Variants in MROH9 observed in about 807,000 individuals in gnomAD.
MROH9 encodes the protein maestro heat-like repeat-containing protein family member 9.
Under a neutral mutation model 98.2 loss-of-function variants are expected in MROH9, and 92 were observed. The ratio of observed to expected loss-of-function variants is 0.94; its 90% CI spans 0.79 to 1.11. The LOEUF is 1.11. Among genes scored for constraint, MROH9 ranks in the 50% most tolerant of loss-of-function variants. MROH9 has a pLI of 0.00. For missense variants in MROH9, 1,057 were observed against 1,014.8 expected, an observed-to-expected ratio of 1.04 and a Z score of -0.57; for synonymous variants, 397 against 368.9, an observed-to-expected ratio of 1.08 and a Z score of -0.87.
intron 14 of MROH9, among the ~76,000 whole-genome samples, chr1:170,997,246 TG>T: frequency 6.6e-6 from 1 of 152,234 alleles, no homozygotes; most frequent in South Asian, 2.1e-4. Flanking sequence ...TTGTGGTCTA[TG>T]GGGCCTTGAT....
At chr1:171,055,930 G>A (rs576814184) in intron 20 of MROH9, among the ~76,000 whole-genome samples, 2 of 152,242 alleles carry the variant, frequency 1.3e-5, no homozygotes, top group African/African-American at 4.8e-5. Flanking sequence ...CCTACCCCCA[G>A]GCCAAGGGAG....
chr1:171,012,719 G>A (rs1274246939), intron 15 of MROH9, among the ~76,000 whole-genome samples: 2 of 151,946 alleles, frequency 1.3e-5, no homozygotes, highest in East Asian at 3.9e-4. Context: ...TATCCAGGAT[G>A]GTCTCGATCT....
At chr1:170,986,857 A>T in intron 10 of MROH9, 147 bp downstream of exon 10, 1 of 940,606 alleles carries the variant, frequency 1.1e-6, no homozygotes, top group East Asian at 2.6e-5. Context: ...TTGGTTTTTT[A>T]AATTTTACTT....
chr1:171,061,862 A>C (rs1471567341), intron 20 of MROH9, among the ~76,000 whole-genome samples: 1 of 151,920 alleles, frequency 6.6e-6, no homozygotes, highest in African/African-American at 2.4e-5. Flanking sequence ...TGCTGCTAAA[A>C]CTCTATTTAA....
chr1:170,977,066 A>T (rs1650730135), intron 8 of MROH9, among the ~76,000 whole-genome samples: 1 of 151,820 alleles, frequency 6.6e-6, no homozygotes, highest in Non-Finnish European at 1.5e-5. Context: ...AAATTCTTGT[A>T]GTGTGTTTTT....
intron 6 of MROH9, among the ~76,000 whole-genome samples, chr1:170,962,508 G>A (rs1262560593): frequency 6.6e-6 from 1 of 152,122 alleles, no homozygotes; most frequent in East Asian, 1.9e-4. Flanking sequence ...TGCACTGCAT[G>A]TCTTGTGGTC....
intron 6 of MROH9, among the ~76,000 whole-genome samples, chr1:170,963,532 CAT>C (rs1239641701): frequency 6.6e-6 from 1 of 152,082 alleles, no homozygotes; most frequent in Admixed American, 6.6e-5. Context: ...CAAATGCACA[CAT>C]ATACTTGTTG....
rs185309870 is a variant in MROH9 at position 171,064,030 on chromosome 1, T to C, written c.2345-69T>C. 2.2e-5 allele frequency: 31 copies of C among 1,441,544 alleles called. 1 individual carries two copies. In the African/African-American group the frequency reaches 4.5e-4, roughly 21 times the overall value. 89.3% of individuals were successfully genotyped at this position (1,441,544 alleles called of 1,614,324 possible). ...CACTCTGTGAAAGGTGGCAGGGCTG[T>C]TTAGTATTAAAGCTTCATGGCCTCT... On this transcript the variant is annotated intron_variant, in intron 21 of 21. Transcript: ENST00000367759.
At chr1:171,005,854 G>A (rs1651936254) in intron 15 of MROH9, among the ~76,000 whole-genome samples, 1 of 152,034 alleles carries the variant, frequency 6.6e-6, no homozygotes, top group South Asian at 2.1e-4. Context: ...TTATTCTATT[G>A]ATGTCACCCT....
chr1:171,015,471 T>C (rs894241352), intron 16 of MROH9, among the ~76,000 whole-genome samples: 2 of 152,226 alleles, frequency 1.3e-5, no homozygotes, highest in Non-Finnish European at 2.9e-5. Context: ...CTCTATTTTT[T>C]TCTCCTTAAA....
chr1:171,050,896 C>G (rs1206872701), intron 20 of MROH9, among the ~76,000 whole-genome samples: 1 of 152,046 alleles, frequency 6.6e-6, no homozygotes, highest in African/African-American at 2.4e-5. Context: ...TTATCAAATG[C>G]TTTTTCTACA....
intron 17 of MROH9, among the ~76,000 whole-genome samples, chr1:171,018,321 C>T (rs1652397451): frequency 6.7e-6 from 1 of 150,158 alleles, no homozygotes; most frequent in African/African-American, 2.5e-5. Flanking sequence ...CTGACCATTG[C>T]AAGAGAAACA....
At chr1:171,024,300 T>TGG (rs35342779) in intron 17 of MROH9, 95 bp from the exon 18 acceptor site, 393 of 638,092 alleles carry the variant, frequency 6.2e-4, no homozygotes, top group East Asian at 1.1e-3. Context: ...TATATTTATA[T>TGG]GGGGTGTGTG....
chr1:170,942,643 T>C (rs1472281773), intron 1 of MROH9, among the ~76,000 whole-genome samples: 1 of 152,102 alleles, frequency 6.6e-6, no homozygotes, highest in Non-Finnish European at 1.5e-5. Context: ...ATGACATGCC[T>C]GGAATAGGAC....
intron 20 of MROH9, among the ~76,000 whole-genome samples, chr1:171,039,187 A>G (rs1653212658): frequency 6.6e-6 from 1 of 152,218 alleles, no homozygotes; most frequent in South Asian, 2.1e-4. Context: ...TGACTTTCAA[A>G]AAAACAGTTT....
chr1:171,035,215 T>C (rs1254681098), intron 20 of MROH9, among the ~76,000 whole-genome samples: 1 of 151,894 alleles, frequency 6.6e-6, no homozygotes, highest in Admixed American at 6.6e-5. Flanking sequence ...AATTTTGATA[T>C]ATTAATTATA....
chr1:170,978,624 A>G (rs1402125590), intron 8 of MROH9, among the ~76,000 whole-genome samples: 1 of 152,148 alleles, frequency 6.6e-6, no homozygotes, highest in South Asian at 2.1e-4. Context: ...TACTACTGCA[A>G]TTGCAGTCGC....
intron 1 of MROH9, among the ~76,000 whole-genome samples, chr1:170,937,513 G>GTT (rs1557864425): frequency 2.3e-4 from 32 of 139,266 alleles, no homozygotes; most frequent in African/African-American, 8.3e-4. Flanking sequence ...ATCATAATCA[G>GTT]TATTTTTTTT....
chr1:171,000,798 A>G (rs546641818), intron 15 of MROH9, among the ~76,000 whole-genome samples: 2 of 152,262 alleles, frequency 1.3e-5, no homozygotes, highest in African/African-American at 2.4e-5. Context: ...CTTGTGGAAT[A>G]GTGTCAAAAG....
Sources: gnomAD v4.1 joint callset for allele counts (sites outside exome capture counted in the v4.1 genomes callset) on GRCh38, gnomAD v4.1.1 for gene constraint, MANE v1.5 for transcripts, NCBI Gene and HGNC (gene_info 2026-07-23, HGNC 2026-07-21) for gene names.